The following TTLL9 variants were observed in gnomAD, a reference collection of about 807,000 sequenced individuals.
The protein encoded by TTLL9 is tubulin tyrosine ligase like 9, also known as probable tubulin polyglutamylase TTLL9.
TTLL9 carries 47 observed loss-of-function variants against 65.6 expected under a neutral mutation model. That is an observed-to-expected ratio of 0.72 (90% CI 0.57 to 0.91). The LOEUF (loss-of-function observed/expected upper bound fraction) is 0.91, where lower values mean the gene tolerates loss of function less well. Ranked by LOEUF, TTLL9 falls within the 40% of genes least tolerant of loss-of-function variation. TTLL9 has a pLI of 0.00. For synonymous variants in TTLL9, 179 were observed against 204.8 expected (o/e 0.87, Z 1.07); for missense variants, 537 against 568.8 (o/e 0.94, Z 0.57).
intron 10 of TTLL9, among the ~76,000 whole-genome samples, chr20:31,930,473 G>T (rs1193839448): frequency 6.6e-6 from 1 of 151,968 alleles, no homozygotes; most frequent in Non-Finnish European, 1.5e-5. Context: ...TCCCAGATGG[G>T]GTCCTACCAG....
intron 7 of TTLL9, among the ~76,000 whole-genome samples, chr20:31,921,299 C>T (rs961607330): frequency 6.6e-6 from 1 of 152,056 alleles, no homozygotes; most frequent in Non-Finnish European, 1.5e-5. Flanking sequence ...GTTAGAATGG[C>T]GATCATTAAA....
chr20:31,913,351 G>T (rs1292902391), intron 6 of TTLL9, among the ~76,000 whole-genome samples: 1 of 152,122 alleles, frequency 6.6e-6, no homozygotes, highest in Admixed American at 6.6e-5. Context: ...TTGAGTATTA[G>T]TTCCGGGACC....
At chr20:31,876,042 A>G (rs1445815680) in intron 2 of TTLL9, among the ~76,000 whole-genome samples, 2 of 152,244 alleles carry the variant, frequency 1.3e-5, no homozygotes, top group Non-Finnish European at 2.9e-5. Flanking sequence ...GGTAACCTTT[A>G]AAAAACATTT....
chr20:31,937,524 C>T lies in TTLL9; in HGVS notation c.1118+15C>T, dbSNP rs1465614006. ...ATGGAAGCGAGGTGAGGGAGGGCAG[C>T]CTTGATCACATGTCCTTGTACATGA... On this transcript the variant is annotated intron_variant, in intron 13 of 14. Coordinates refer to ENST00000535842, the MANE Select transcript of TTLL9 (RefSeq NM_001008409.5). The T allele has an allele frequency of 4.4e-6, 7 of 1,596,074 alleles. No homozygotes were observed. The highest frequency in any genetic ancestry group is 3.3e-4 in the Middle Eastern group (2 of 6,036).
chr20:31,933,878 C>A lies in TTLL9; in HGVS notation c.807+20C>A. Reference sequence around the variant, plus strand: ...AAGAAGGTGAGGAAGCCGGGCTCGGCTATGCACGGGTACAGCCCTCTGGCG... The same window carrying A: ...AAGAAGGTGAGGAAGCCGGGCTCGGATATGCACGGGTACAGCCCTCTGGCG... On this transcript the variant is annotated intron_variant, in intron 11 of 14. Transcript: ENST00000535842. The A allele has an allele frequency of 6.2e-7, 1 of 1,611,678 alleles. No homozygotes were observed. Among genetic ancestry groups the A allele is most frequent in the Non-Finnish European group, 8.5e-7 (1 of 1,178,806 alleles).
chr20:31,887,299 C>A, intron 3 of TTLL9, 60 bp downstream of exon 3: 1 of 1,539,760 alleles, frequency 6.5e-7, no homozygotes, highest in Non-Finnish European at 9.0e-7. Context: ...CCTCCCTCCC[C>A]TTTTCAATCC....
intron 2 of TTLL9, among the ~76,000 whole-genome samples, chr20:31,874,540 C>A (rs2063010954): frequency 6.6e-6 from 1 of 151,648 alleles, no homozygotes; most frequent in African/African-American, 2.4e-5. Flanking sequence ...GCCTCAAGAG[C>A]AGCTGGGACT....
At chr20:31,904,407 G>A (rs1261096442) in intron 4 of TTLL9, among the ~76,000 whole-genome samples, 2 of 144,114 alleles carry the variant, frequency 1.4e-5, no homozygotes, top group Non-Finnish European at 3.0e-5. Context: ...GCCTAGGCTG[G>A]AGTGCAGTGG....
chr20:31,934,875 C>A lies in TTLL9; in HGVS notation c.991C>A (p.Gln331Lys). 6.2e-7 allele frequency: 1 copy of A among 1,611,338 alleles called. No individual in the cohort carries two copies. Among genetic ancestry groups the A allele is most frequent in the South Asian group, 1.1e-5 (1 of 90,730 alleles). The change falls in exon 12 of 15, where the codon CAG (glutamine) becomes AAG (lysine). Residue 331 changes from glutamine (Q) to lysine (K), a missense_variant. Coordinates refer to ENST00000535842, the MANE Select transcript of TTLL9 (RefSeq NM_001008409.5). The part of the protein sequence containing the change: ...ELYGYDILID[Q>K]DLKPWLLEVN... ...GTACGGCTATGACATCCTCATCGAC[C>A]AGGACCTCAAGCCGTAAGTGGGTGG...
chr20:31,876,287 A>T (rs577657150), intron 2 of TTLL9, among the ~76,000 whole-genome samples: 33 of 152,190 alleles, frequency 2.2e-4, no homozygotes, highest in Non-Finnish European at 4.4e-4. Flanking sequence ...TCTACTAGAA[A>T]TACAAAAATT....
chr20:31,936,905 G>A (rs1030512998), intron 12 of TTLL9, among the ~76,000 whole-genome samples: 4 of 152,014 alleles, frequency 2.6e-5, no homozygotes, highest in African/African-American at 7.3e-5. Flanking sequence ...AGACCAGCTC[G>A]ACCAACATGG....
chr20:31,908,855 A>C (rs1029269551), intron 5 of TTLL9, among the ~76,000 whole-genome samples, 153 bp downstream of exon 5: 1 of 152,126 alleles, frequency 6.6e-6, no homozygotes, highest in Non-Finnish European at 1.5e-5. Context: ...TGGAGAGCCA[A>C]ATGGTTTCAG....
rs751493370 is a variant in TTLL9 at position 31,933,873 on chromosome 20, C to A, written c.807+15C>A. On this transcript the variant is annotated intron_variant, in intron 11 of 14. Transcript: ENST00000535842. ...ACCCAAAGAAGGTGAGGAAGCCGGGCTCGGCTATGCACGGGTACAGCCCTC... is the reference window on the plus strand; with the variant it reads ...ACCCAAAGAAGGTGAGGAAGCCGGGATCGGCTATGCACGGGTACAGCCCTC... 1.9e-6 allele frequency: 3 copies of A among 1,612,682 alleles called. No homozygotes were observed. The East Asian group carries it at 6.7e-5, about 36-fold the overall frequency.
intron 8 of TTLL9, among the ~76,000 whole-genome samples, chr20:31,923,934 A>G (rs1245070265): frequency 6.6e-6 from 1 of 151,792 alleles, no homozygotes; most frequent in Non-Finnish European, 1.5e-5. Context: ...CCAGATCCTT[A>G]TGTCCAGCAG....
intron 2 of TTLL9, among the ~76,000 whole-genome samples, chr20:31,878,819 C>T (rs1391137808): frequency 1.3e-5 from 2 of 152,172 alleles, no homozygotes; most frequent in Admixed American, 1.3e-4. Flanking sequence ...TTGTCTCTTT[C>T]TTATATATAT....
chr20:31,879,857 G>A lies in TTLL9; in HGVS notation c.70-7339G>A, dbSNP rs1395406516. On this transcript the variant is annotated intron_variant, in intron 2 of 14. Transcript: ENST00000535842. ...CACGCGAGGCGCGCGGTGGCGGTTT[G>A]GATCTGGCCCCTGGGGAATCGCGTT... The A allele has an allele frequency of 7.7e-6, 12 of 1,550,200 alleles. No individual in the cohort carries two copies. The Admixed American group carries it at 7.8e-5, about 10-fold the overall frequency.
intron 10 of TTLL9, among the ~76,000 whole-genome samples, chr20:31,933,234 C>A (rs1480083413): frequency 6.6e-6 from 1 of 152,094 alleles, no homozygotes; most frequent in Non-Finnish European, 1.5e-5. Context: ...TACTGAGAGG[C>A]CAAATCTCAG....
intron 12 of TTLL9, among the ~76,000 whole-genome samples, chr20:31,936,307 A>G (rs1194992584): frequency 1.3e-5 from 2 of 152,126 alleles, no homozygotes; most frequent in Non-Finnish European, 2.9e-5. Flanking sequence ...TTACATAAAA[A>G]TCAGAATTAC....
chr20:31,929,674 G>T (rs1005121617), intron 10 of TTLL9, among the ~76,000 whole-genome samples: 1 of 152,026 alleles, frequency 6.6e-6, no homozygotes, highest in Non-Finnish European at 1.5e-5. Context: ...CATTTGGGAA[G>T]TATTCAATTT....
Sources: allele counts gnomAD v4.1 joint callset (sites outside exome capture counted in the v4.1 genomes callset), GRCh38; gene constraint gnomAD v4.1.1; transcripts MANE v1.5; gene names NCBI Gene and HGNC (gene_info 2026-07-23, HGNC 2026-07-21).